SCHIP1: variants seen among roughly 807,000 people sequenced by gnomAD.
SCHIP1 encodes the protein schwannomin-interacting protein 1.
SCHIP1 carries 8 observed loss-of-function variants against 29.7 expected under a neutral mutation model. That is an observed-to-expected ratio of 0.27 (90% CI 0.16 to 0.49). The LOEUF (loss-of-function observed/expected upper bound fraction) is 0.49. Among genes scored for constraint, SCHIP1 ranks in the 20% least tolerant of loss-of-function variants. The pLI, the probability that SCHIP1 is intolerant of heterozygous loss-of-function variation, is 0.99. For missense variants in SCHIP1, 193 were observed against 294.6 expected (o/e 0.66, Z 2.52); for synonymous variants, 76 against 94.9 (o/e 0.80, Z 1.16).
rs1463750297 is a variant in SCHIP1, at chr3:159,847,501, A to G, written c.30+7287A>G. ...TGCTTGAATTCAAAAGAAAACAACCATCAGAGAGGCCTAAGTGACAATCAG... is the reference window on the plus strand; with the variant it reads ...TGCTTGAATTCAAAAGAAAACAACCGTCAGAGAGGCCTAAGTGACAATCAG... On this transcript the variant is annotated intron_variant, in intron 1 of 6. Transcript: ENST00000445224. Among the ~76,000 whole-genome samples the G allele has an allele frequency of 3.3e-5, 5 of 152,352 alleles. No homozygotes were observed. In the East Asian group the frequency reaches 9.6e-4, roughly 29 times the overall value.
the SCHIP1 span, among the ~76,000 whole-genome samples, chr3:159,703,109 C>A: frequency 6.6e-6 from 1 of 152,164 alleles, no homozygotes; most frequent in Non-Finnish European, 1.5e-5. Flanking sequence ...TAGCATTGAT[C>A]TTAATTCAGC....
the SCHIP1 span, among the ~76,000 whole-genome samples, chr3:159,448,497 T>C: frequency 6.6e-6 from 1 of 151,984 alleles, no homozygotes; most frequent in East Asian, 1.9e-4. Flanking sequence ...TATTGTTCTG[T>C]TGTAAGGGAA....
the SCHIP1 span, among the ~76,000 whole-genome samples, chr3:159,777,248 C>T: frequency 1.1e-4 from 16 of 152,160 alleles, no homozygotes; most frequent in African/African-American, 3.9e-4. Flanking sequence ...AAACTGAGAT[C>T]CAAAGAGGCT....
chr3:159,384,635 G>A, the SCHIP1 span, among the ~76,000 whole-genome samples: 1 of 151,906 alleles, frequency 6.6e-6, no homozygotes, highest in African/African-American at 2.4e-5. Context: ...AAATGAGTTA[G>A]GGAGGATTCC....
chr3:159,712,821 GAAGAGAGAAAGAAAGAAAGAAAGA>G, the SCHIP1 span, among the ~76,000 whole-genome samples: 58 of 148,006 alleles, frequency 3.9e-4, no homozygotes, highest in Non-Finnish European at 3.9e-4. Flanking sequence ...AAGAAAGAAA[GAAGAGAGAAAGAAAGAAAGAAAGA>G]AAGAGAGAGA....
chr3:159,553,816 T>C, the SCHIP1 span, among the ~76,000 whole-genome samples: 1 of 151,992 alleles, frequency 6.6e-6, no homozygotes, highest in South Asian at 2.1e-4. Context: ...TTTTTTGTTT[T>C]TTGAGACGGA....
chr3:159,777,733 G>A, the SCHIP1 span, among the ~76,000 whole-genome samples: 1 of 152,132 alleles, frequency 6.6e-6, no homozygotes, highest in Admixed American at 6.5e-5. Flanking sequence ...TAATTCCAAG[G>A]TGTGGTGGTG....
the SCHIP1 span, among the ~76,000 whole-genome samples, chr3:159,445,246 C>T: frequency 2.0e-5 from 3 of 152,132 alleles, no homozygotes; most frequent in South Asian, 2.1e-4. Context: ...CAAAAGAAGA[C>T]ATTTAGGCAG....
the SCHIP1 span, among the ~76,000 whole-genome samples, chr3:159,340,913 C>G: frequency 2.8e-4 from 42 of 152,234 alleles, no homozygotes; most frequent in Admixed American, 1.2e-3. Flanking sequence ...TATTTGAATA[C>G]TCAGGGCTTT....
the SCHIP1 span, among the ~76,000 whole-genome samples, chr3:159,327,509 G>T: frequency 6.6e-6 from 1 of 152,180 alleles, no homozygotes; most frequent in Admixed American, 6.5e-5. Flanking sequence ...AGTTAGCAGG[G>T]TTTCTTTAAT....
chr3:159,597,927 T>G, the SCHIP1 span, among the ~76,000 whole-genome samples: 1 of 152,096 alleles, frequency 6.6e-6, no homozygotes, highest in African/African-American at 2.4e-5. Context: ...CTCAGTAAAC[T>G]TACAATCATG....
chr3:159,829,896 ATTAATGACCTATTGTAAGTTTGGG>A, the SCHIP1 span, among the ~76,000 whole-genome samples: 8 of 152,230 alleles, frequency 5.3e-5, no homozygotes, highest in African/African-American at 1.9e-4. Context: ...ACTGTTATAG[ATTAATGACCTATTGTAAGTTTGGG>A]TACTCTGTCT....
chr3:159,465,190 CCTT>C, the SCHIP1 span, among the ~76,000 whole-genome samples: 1 of 152,018 alleles, frequency 6.6e-6, no homozygotes, highest in East Asian at 1.9e-4. Flanking sequence ...CAGAAATACT[CCTT>C]ATTTTTTTGG....
At chr3:159,460,733 C>T in the SCHIP1 span, among the ~76,000 whole-genome samples, 1 of 152,110 alleles carries the variant, frequency 6.6e-6, no homozygotes, top group East Asian at 1.9e-4. Flanking sequence ...CCCCCTTAGT[C>T]TTGGACAAAC....
At chr3:159,320,304 C>G in the SCHIP1 span, among the ~76,000 whole-genome samples, 51 of 152,194 alleles carry the variant, frequency 3.4e-4, no homozygotes, top group Non-Finnish European at 1.0e-4. Context: ...TTGCCCCTTT[C>G]ACCATGTGAG....
chr3:159,410,428 T>G, the SCHIP1 span, among the ~76,000 whole-genome samples: 4 of 152,062 alleles, frequency 2.6e-5, no homozygotes, highest in East Asian at 5.8e-4. Context: ...AGCAACTGTA[T>G]AGAAAAAATA....
the SCHIP1 span, among the ~76,000 whole-genome samples, chr3:159,337,241 T>C: frequency 6.6e-6 from 1 of 152,146 alleles, no homozygotes; most frequent in Non-Finnish European, 1.5e-5. Context: ...GCCAATATCA[T>C]ACTGAATGGG....
the SCHIP1 span, among the ~76,000 whole-genome samples, chr3:159,697,343 G>A: frequency 0.012 from 1,779 of 152,272 alleles, 35 homozygotes; most frequent in African/African-American, 0.04. Context: ...TTTTTGGATG[G>A]AGAGAGGAGC....
the SCHIP1 span, among the ~76,000 whole-genome samples, chr3:159,648,276 G>A: frequency 6.6e-6 from 1 of 152,272 alleles, no homozygotes; most frequent in East Asian, 1.9e-4. Context: ...ATGCACATCT[G>A]CCTGACATTC....
Sources: gnomAD v4.1 joint callset for allele counts (sites outside exome capture counted in the v4.1 genomes callset) on GRCh38, gnomAD v4.1.1 for gene constraint, MANE v1.5 for transcripts, NCBI Gene and HGNC (gene_info 2026-07-23, HGNC 2026-07-21) for gene names.